POU6F2: variants seen among roughly 807,000 people sequenced by gnomAD.
The protein encoded by POU6F2 is POU class 6 homeobox 2.
POU6F2 carries 31 observed loss-of-function variants against 71.3 expected under a neutral mutation model. The ratio of observed to expected loss-of-function variants is 0.43; its 90% CI spans 0.33 to 0.59. The LOEUF is 0.59. Ranked by LOEUF, POU6F2 falls within the 20% of genes least tolerant of loss-of-function variation. The pLI is 0.04. For missense variants in POU6F2, 783 were observed against 856.8 expected, an observed-to-expected ratio of 0.91 and a Z score of 1.07; for synonymous variants, 347 against 355.7, an observed-to-expected ratio of 0.98 and a Z score of 0.27.
At chr7:39,422,769 G>A (rs926810124) in intron 6 of POU6F2, among the ~76,000 whole-genome samples, 1 of 152,102 alleles carries the variant, frequency 6.6e-6, no homozygotes, top group Non-Finnish European at 1.5e-5. Context: ...CCAGTAGATC[G>A]ACTTCCCACC....
chr7:38,981,590 TGA>T (rs535211328), intron 1 of POU6F2, among the ~76,000 whole-genome samples: 11 of 151,982 alleles, frequency 7.2e-5, no homozygotes, highest in Non-Finnish European at 1.3e-4. Flanking sequence ...TTGCTGGGAG[TGA>T]GAGAGAGACA....
chr7:39,274,325 A>G (rs1414407768), intron 4 of POU6F2, among the ~76,000 whole-genome samples: 1 of 152,096 alleles, frequency 6.6e-6, no homozygotes, highest in Non-Finnish European at 1.5e-5. Flanking sequence ...TCCTCAACAC[A>G]TACACTCTCC....
At chr7:39,296,945 T>C (rs1784857164) in intron 4 of POU6F2, among the ~76,000 whole-genome samples, 1 of 152,150 alleles carries the variant, frequency 6.6e-6, no homozygotes, top group Non-Finnish European at 1.5e-5. Flanking sequence ...CACAGGAGTT[T>C]TTAACATTAA....
chr7:39,184,894 C>G (rs1793502039), intron 2 of POU6F2, among the ~76,000 whole-genome samples: 1 of 151,978 alleles, frequency 6.6e-6, no homozygotes, highest in Non-Finnish European at 1.5e-5. Flanking sequence ...CCAGAACAAA[C>G]AGAGGACATA....
rs1178352824 is a variant in POU6F2, at chr7:39,468,015, C to T, written c.*3329C>T. The T allele has an allele frequency of 6.6e-6, 1 of 151,776 alleles. No homozygotes were observed. Among genetic ancestry groups the T allele is most frequent in the Non-Finnish European group, 1.5e-5 (1 of 67,978 alleles). 9.4% of individuals were successfully genotyped at this position (151,776 alleles called of 1,614,324 possible). On this transcript the variant is annotated 3_prime_UTR_variant, in exon 10 of 10. Transcript: ENST00000518318. The stretch of plus-strand genomic sequence containing the variant: ...TTTACCTCAGCACTCTACTTGTACC[C>T]AGTTAATGACCAAGCTTAAAAAAAA...
At chr7:39,101,060 A>G (rs1260204541) in intron 2 of POU6F2, among the ~76,000 whole-genome samples, 1 of 144,380 alleles carries the variant, frequency 6.9e-6, no homozygotes, top group East Asian at 2.1e-4. Context: ...TTTTTATAAA[A>G]GTTAAGTGTA....
At chr7:39,249,609 G>A (rs528259420) in intron 4 of POU6F2, among the ~76,000 whole-genome samples, 1 of 152,294 alleles carries the variant, frequency 6.6e-6, no homozygotes, top group East Asian at 1.9e-4. Context: ...GTTGCGGTGT[G>A]AAATATATGA....
At chr7:39,305,062 C>A (rs1190056258) in intron 4 of POU6F2, among the ~76,000 whole-genome samples, 1 of 152,242 alleles carries the variant, frequency 6.6e-6, no homozygotes, top group Non-Finnish European at 1.5e-5. Context: ...GTATACTATA[C>A]AAATTCACAA....
chr7:39,150,612 G>A (rs916086086), intron 2 of POU6F2, among the ~76,000 whole-genome samples: 1 of 151,340 alleles, frequency 6.6e-6, no homozygotes, highest in African/African-American at 2.4e-5. Flanking sequence ...GATTACAGGC[G>A]CCCACCACCA....
intron 5 of POU6F2, among the ~76,000 whole-genome samples, chr7:39,380,306 G>A (rs1562808958): frequency 6.6e-6 from 1 of 152,234 alleles, no homozygotes; most frequent in African/African-American, 2.4e-5. Context: ...TTTCACCTGA[G>A]AATGGGAATA....
chr7:39,284,651 A>G (rs994705382), intron 4 of POU6F2, among the ~76,000 whole-genome samples: 1 of 152,194 alleles, frequency 6.6e-6, no homozygotes, highest in Non-Finnish European at 1.5e-5. Context: ...GGAGAAATAC[A>G]CAGCTCTTTC....
At chr7:39,024,220 C>T (rs945204662) in intron 1 of POU6F2, among the ~76,000 whole-genome samples, 7 of 151,966 alleles carry the variant, frequency 4.6e-5, no homozygotes, top group East Asian at 1.9e-4. Context: ...AGGTCCTTCA[C>T]GTCCCTTGTA....
intron 6 of POU6F2, among the ~76,000 whole-genome samples, chr7:39,416,264 G>A (rs1787672233): frequency 1.3e-5 from 2 of 152,140 alleles, no homozygotes; most frequent in African/African-American, 4.8e-5. Flanking sequence ...ATTGTCTAAA[G>A]CAATGAGACA....
rs769058450 is a variant in POU6F2 at position 39,389,140 on chromosome 7, T to C, written c.973-17460T>C. 3.3e-4 allele frequency among the ~76,000 whole-genome samples: 51 copies of C among 152,294 alleles called. 1 individual carries two copies. The highest frequency in any genetic ancestry group is 6.8e-3 in the Middle Eastern group (2 of 294). On this transcript the variant is annotated intron_variant, in intron 5 of 9. Coordinates refer to ENST00000518318, the MANE Select transcript of POU6F2 (RefSeq NM_001370959.1). ...AAGTAGTGTCATTCATTTTCAGAAA[T>C]ATACAGCAAGCCCCCGTGCCATTTT...
At chr7:39,138,461 G>A (rs1023769776) in intron 2 of POU6F2, among the ~76,000 whole-genome samples, 22 of 152,196 alleles carry the variant, frequency 1.4e-4, no homozygotes, top group African/African-American at 5.3e-4. Context: ...TACCACCTGA[G>A]CTCCGCCTCC....
At chr7:39,327,271 T>G (rs1785525617) in intron 4 of POU6F2, among the ~76,000 whole-genome samples, 1 of 138,446 alleles carries the variant, frequency 7.2e-6, no homozygotes, top group South Asian at 2.3e-4. Context: ...AGAGGGAGAC[T>G]CTGTCTCAAA....
At chr7:39,100,102 A>G (rs1279808753) in intron 2 of POU6F2, among the ~76,000 whole-genome samples, 1 of 152,260 alleles carries the variant, frequency 6.6e-6, no homozygotes, top group East Asian at 1.9e-4. Context: ...GCATGGGAAC[A>G]TGCCTTCAAC....
chr7:39,204,265 C>T lies in POU6F2; in HGVS notation c.308C>T (p.Pro103Leu), dbSNP rs373840004. 2.9e-5 allele frequency: 46 copies of T among 1,613,730 alleles called. No individual in the cohort carries two copies. Among genetic ancestry groups the T allele is most frequent in the African/African-American group, 1.7e-4 (13 of 74,900 alleles). The part of the protein sequence containing the change: ...GARGNPALSD[P>L]GTPDQHQASQ... ...AGAGGAAACCCAGCATTATCAGACC[C>T]AGGCACTCCTGACCAACACCAGGCC... The change falls in exon 3 of 10, where the codon CCA becomes CTA. Residue 103 changes from proline (P) to leucine (L), a missense_variant. Physicochemically the swap from Pro to Leu is moderately conservative, Grantham distance 98. Transcript: ENST00000518318.
At chr7:39,344,566 G>A (rs10251013) in intron 5 of POU6F2, among the ~76,000 whole-genome samples, 85,951 of 151,792 alleles carry the variant, frequency 0.57, 24,533 homozygotes, top group East Asian at 0.74. Context: ...CTAGACCTAC[G>A]GGACTTTCAA....
Sources: allele counts gnomAD v4.1 joint callset (sites outside exome capture counted in the v4.1 genomes callset), GRCh38; gene constraint gnomAD v4.1.1; transcripts MANE v1.5; gene names NCBI Gene and HGNC (gene_info 2026-07-23, HGNC 2026-07-21).